Variants in KDM1A observed in about 807,000 individuals in gnomAD.
The protein encoded by KDM1A is lysine demethylase 1A.
Under a neutral mutation model 109.4 loss-of-function variants are expected in KDM1A, and 49 were observed. That is an observed-to-expected ratio of 0.45 (90% CI 0.36 to 0.57). KDM1A has a LOEUF of 0.57. KDM1A is among the 20% of genes least tolerant of loss of function. The pLI, the probability that KDM1A is intolerant of heterozygous loss-of-function variation, is 0.00. For missense variants in KDM1A, 668 were observed against 1,116.6 expected, an observed-to-expected ratio of 0.60 and a Z score of 5.73; for synonymous variants, 380 against 415.4, an observed-to-expected ratio of 0.91 and a Z score of 1.04.
chr1:23,051,781 T>C (rs977891428), intron 4 of KDM1A, among the ~76,000 whole-genome samples: 51 of 152,352 alleles, frequency 3.3e-4, no homozygotes, highest in East Asian at 1.9e-4. Flanking sequence ...GTCATTGATA[T>C]GTCTGCTTTT....
intron 7 of KDM1A, among the ~76,000 whole-genome samples, chr1:23,056,660 A>T (rs1427550212): frequency 6.6e-6 from 1 of 152,000 alleles, no homozygotes; most frequent in Non-Finnish European, 1.5e-5. Context: ...CTGATATACT[A>T]TTATTAAAAA....
intron 16 of KDM1A, 26 bp from the exon 17 acceptor site, chr1:23,078,964 A>G: frequency 6.2e-7 from 1 of 1,600,102 alleles, no homozygotes. Context: ...CATCACCACT[A>G]GTCTTTTCCC....
At chr1:23,047,291 C>G (rs142538090) in intron 3 of KDM1A, among the ~76,000 whole-genome samples, 1 of 151,968 alleles carries the variant, frequency 6.6e-6, no homozygotes, top group East Asian at 1.9e-4. Flanking sequence ...AATAAGTATC[C>G]CTAAACACCA....
intron 3 of KDM1A, among the ~76,000 whole-genome samples, chr1:23,047,919 AAAC>A (rs1184407963): frequency 6.6e-6 from 1 of 152,000 alleles, no homozygotes; most frequent in Non-Finnish European, 1.5e-5. Flanking sequence ...AAAAAAAAAA[AAAC>A]ATCTGTAGTG....
chr1:23,039,713 G>C (rs1025314741), intron 2 of KDM1A, among the ~76,000 whole-genome samples: 3 of 152,148 alleles, frequency 2.0e-5, no homozygotes, highest in South Asian at 2.1e-4. Context: ...CCATAGTCGT[G>C]GTTTCACTGC....
chr1:23,022,963 A>G (rs1316924311), intron 1 of KDM1A, among the ~76,000 whole-genome samples: 3 of 152,246 alleles, frequency 2.0e-5, no homozygotes, highest in East Asian at 1.9e-4. Flanking sequence ...GAGCCTCCAT[A>G]TCCTTCTTGA....
In KDM1A at chr1:23,050,369, C is replaced by T. The variant is rs377609907; in HGVS notation, c.578-18C>T. ...TTCACTTGCACTTTTCCTAGATGTC[C>T]TTTGCTTTCTTCGTTAGGTGTGGAG... On this transcript the variant is annotated intron_variant, in intron 3 of 20. Transcript: ENST00000400181. 1.3e-6 allele frequency: 2 copies of T among 1,594,284 alleles called. No homozygotes were observed. The highest frequency in any genetic ancestry group is 2.7e-5 in the African/African-American group (2 of 73,464).
chr1:23,026,516 A>G (rs889100720), intron 1 of KDM1A, among the ~76,000 whole-genome samples: 3 of 150,890 alleles, frequency 2.0e-5, no homozygotes, highest in Non-Finnish European at 2.9e-5. Flanking sequence ...TAGCCCCCCC[A>G]AGTAGCTGGA....
chr1:23,069,604 T>C (rs1047877948), intron 12 of KDM1A, among the ~76,000 whole-genome samples: 3 of 152,206 alleles, frequency 2.0e-5, no homozygotes, highest in African/African-American at 7.2e-5. Flanking sequence ...ACAAGCGTGG[T>C]TTAGCTATTC....
chr1:23,037,344 C>A, intron 2 of KDM1A, among the ~76,000 whole-genome samples: 1 of 149,056 alleles, frequency 6.7e-6, no homozygotes, highest in Non-Finnish European at 1.5e-5. Context: ...TTTAGGGTTA[C>A]AGATGTTAGT....
intron 8 of KDM1A, 53 bp downstream of exon 8, chr1:23,057,618 G>T (rs1233464733): frequency 1.5e-6 from 2 of 1,322,346 alleles, no homozygotes; most frequent in Admixed American, 3.6e-5. Flanking sequence ...ACTCATAAAA[G>T]AAATTTAAAG....
At position 23,083,180 on chromosome 1, in the gene KDM1A, C is replaced by A; in HGVS notation, c.2447C>A (p.Pro816Gln). The A allele has an allele frequency of 6.2e-7, 1 of 1,604,380 alleles. No homozygotes were observed. The highest frequency in any genetic ancestry group is 1.1e-5 in the South Asian group (1 of 90,690). Reference protein sequence around the residue: ...PGPSIPGAPQPIPRLFFAGEH... With the variant: ...PGPSIPGAPQQIPRLFFAGEH... Reference sequence around the variant, plus strand: ...TTTTCTCTTTTTCCCCTAAAATAGCCGATTCCACGACTCTTCTTTGCGGGA... The same window carrying A: ...TTTTCTCTTTTTCCCCTAAAATAGCAGATTCCACGACTCTTCTTTGCGGGA... The change falls in exon 21 of 21, where the codon CCG (proline) becomes CAG (glutamine). Residue 816 changes from proline to glutamine, a missense_variant and splice_region_variant. Transcript: ENST00000400181.
intron 1 of KDM1A, 175 bp downstream of exon 1, chr1:23,020,122 G>A: frequency 4.5e-6 from 3 of 661,760 alleles, no homozygotes; most frequent in East Asian, 3.4e-5. Flanking sequence ...GAAAGGAAAA[G>A]TCTTTGCCGG....
chr1:23,066,041 C>T lies in KDM1A; in HGVS notation c.1168-19C>T, dbSNP rs768447730. 22 of 1,610,836 alleles carry T rather than the reference C, an allele frequency of 1.4e-5. No homozygotes were observed. The highest frequency in any genetic ancestry group is 1.8e-5 in the Non-Finnish European group (21 of 1,178,238). ...TGTTATTTACAGTTTATTTCTCTCT[C>T]TGCTGCACTGGTTAAAAGGACACTG... is the stretch of plus-strand genomic sequence containing the variant. On this transcript the variant is annotated intron_variant, in intron 9 of 20. Coordinates refer to ENST00000400181, the MANE Select transcript of KDM1A (RefSeq NM_001009999.3).
At chr1:23,038,604 A>C (rs1642219628) in intron 2 of KDM1A, among the ~76,000 whole-genome samples, 1 of 152,188 alleles carries the variant, frequency 6.6e-6, no homozygotes, top group Non-Finnish European at 1.5e-5. Context: ...GGAGGGAAAT[A>C]ATATGTGAAA....
chr1:23,065,418 A>AAAT (rs1442602758), intron 9 of KDM1A, among the ~76,000 whole-genome samples: 2 of 152,180 alleles, frequency 1.3e-5, no homozygotes, highest in East Asian at 3.9e-4. Context: ...GTCAGTATTG[A>AAAT]TTTCCTAAGG....
At chr1:23,062,849 G>A (rs907875785) in intron 9 of KDM1A, among the ~76,000 whole-genome samples, 6 of 152,068 alleles carry the variant, frequency 3.9e-5, no homozygotes, top group African/African-American at 1.4e-4. Flanking sequence ...CTAAATAGAA[G>A]GGATCTCCAC....
intron 7 of KDM1A, among the ~76,000 whole-genome samples, chr1:23,056,320 T>C (rs1016702462): frequency 6.6e-6 from 1 of 152,200 alleles, no homozygotes; most frequent in African/African-American, 2.4e-5. Flanking sequence ...GGGGCCTTCA[T>C]GGACATATCC....
Position 23,057,692 on chromosome 1 carries a change from A to G in KDM1A, c.1072+127A>G, listed in dbSNP as rs28663624. ...TCATCTTCCGTTTAGTGAGAGGTAT[A>G]GCAGTATGTGGAAAATGTAAATTGT... is the stretch of plus-strand genomic sequence containing the variant. On this transcript the variant is annotated intron_variant, in intron 8 of 20. Transcript: ENST00000400181. 4.5e-3 allele frequency: 2,698 copies of G among 603,914 alleles called. 67 individuals are homozygous for G. The African/African-American group carries it at 0.045, about 10-fold the overall frequency. The allele number at this position is 603,914 out of a possible 1,614,324, so 37.4% of individuals were successfully genotyped here. A position where few individuals can be genotyped will look rare whatever the true frequency, so the allele number is the denominator to read the frequency against.
Sources: allele counts gnomAD v4.1 joint callset (sites outside exome capture counted in the v4.1 genomes callset), GRCh38; gene constraint gnomAD v4.1.1; transcripts MANE v1.5; gene names NCBI Gene and HGNC (gene_info 2026-07-23, HGNC 2026-07-21).